Variants in SNX29 observed in about 807,000 individuals in gnomAD.
The protein encoded by SNX29 is sorting nexin-29.
A neutral mutation model predicts 102.1 loss-of-function variants in SNX29; 78 were observed. That is an observed-to-expected ratio of 0.76 (90% confidence interval 0.64 to 0.92). SNX29 has a LOEUF of 0.92. Ranked by LOEUF, SNX29 falls within the 40% of genes least tolerant of loss-of-function variation. The pLI, the probability that SNX29 is intolerant of heterozygous loss-of-function variation, is 0.00. For missense variants in SNX29, 1,280 were observed against 1,061.7 expected, an observed-to-expected ratio of 1.21 and a Z score of -2.86; for synonymous variants, 580 against 414.5, an observed-to-expected ratio of 1.40 and a Z score of -4.85.
chr16:12,365,757 A>G (rs529119995), intron 16 of SNX29, among the ~76,000 whole-genome samples: 1 of 146,494 alleles, frequency 6.8e-6, no homozygotes, highest in South Asian at 2.2e-4. Context: ...AAAGCAGAAC[A>G]GTGGGCCGGG....
Position 11,986,028 on chromosome 16 carries a change from C to T in SNX29, c.7+9215C>T, listed in dbSNP as rs141310024. Among the ~76,000 whole-genome samples the T allele has an allele frequency of 3.0e-3, 454 of 152,088 alleles. 1 individual carries two copies. Among genetic ancestry groups the T allele is most frequent in the African/African-American group, 0.011 (436 of 41,476 alleles). On this transcript the variant is annotated intron_variant, in intron 1 of 20. Coordinates refer to ENST00000566228, the MANE Select transcript of SNX29 (RefSeq NM_032167.5). ...CCATGTTGGCTAGACTGGTCTCGAA[C>T]TCCTGACCTCAGGTGATTCACTGAC... is the stretch of plus-strand genomic sequence containing the variant.
intron 20 of SNX29, among the ~76,000 whole-genome samples, chr16:12,545,847 C>T (rs867092369): frequency 6.6e-6 from 1 of 152,058 alleles, no homozygotes; most frequent in African/African-American, 2.4e-5. Context: ...GGGAGCAGAT[C>T]ACCTCTCCTT....
Position 12,552,556 on chromosome 16 carries a change from A to G in SNX29, c.2319-15950A>G, listed in dbSNP as rs572548787. 1.6e-4 allele frequency among the ~76,000 whole-genome samples: 25 copies of G among 152,312 alleles called. No individual in the cohort carries two copies. In the South Asian group the frequency reaches 5.0e-3, roughly 30 times the overall value. On this transcript the variant is annotated intron_variant, in intron 20 of 20. Transcript: ENST00000566228. ...TCAGTGATGTCCCCAGCACTGGCAC[A>G]CAGGCCAGCCAAGTTGCTGCCCTCA... is the stretch of plus-strand genomic sequence containing the variant.
chr16:12,115,501 G>GTGTA (rs1308486139), intron 11 of SNX29, among the ~76,000 whole-genome samples: 2 of 151,524 alleles, frequency 1.3e-5, no homozygotes, highest in Non-Finnish European at 2.9e-5. Flanking sequence ...GTGTGTGTGT[G>GTGTA]TGTGTGTGTG....
chr16:12,130,501 T>C (rs1055550786), intron 13 of SNX29, among the ~76,000 whole-genome samples: 21 of 131,996 alleles, frequency 1.6e-4, no homozygotes, highest in African/African-American at 6.2e-4. Context: ...AAAAAAAAGA[T>C]AGCGACTAAA....
intron 20 of SNX29, among the ~76,000 whole-genome samples, chr16:12,564,849 A>C (rs773856729): frequency 6.6e-6 from 1 of 151,536 alleles, no homozygotes; most frequent in Non-Finnish European, 1.5e-5. Flanking sequence ...GGCAGCTAAC[A>C]AGGGCTATGA....
intron 10 of SNX29, among the ~76,000 whole-genome samples, chr16:12,075,148 C>G (rs892701271): frequency 5.3e-5 from 8 of 152,214 alleles, no homozygotes; most frequent in African/African-American, 1.9e-4. Context: ...TCATCTGAAG[C>G]CTTCTTCTCT....
intron 15 of SNX29, among the ~76,000 whole-genome samples, chr16:12,319,075 C>T (rs930677374): frequency 3.3e-5 from 5 of 152,100 alleles, no homozygotes; most frequent in African/African-American, 1.2e-4. Context: ...TTTAATCCTT[C>T]GTTATCTTGT....
At chr16:12,123,872 A>G (rs1011518570) in intron 11 of SNX29, among the ~76,000 whole-genome samples, 6 of 152,214 alleles carry the variant, frequency 3.9e-5, no homozygotes, top group Non-Finnish European at 7.3e-5. Context: ...AGCAGACTTG[A>G]ACAGTACAGA....
intron 15 of SNX29, among the ~76,000 whole-genome samples, chr16:12,309,598 ATGTGGCACC>A (rs1465792569): frequency 6.6e-6 from 1 of 152,164 alleles, no homozygotes; most frequent in African/African-American, 2.4e-5. Flanking sequence ...CCAGAGCCCA[ATGTGGCACC>A]TGTCGTCACA....
In SNX29 at chr16:12,445,824, C is replaced by T. The variant is rs182791441; in HGVS notation, c.2038-31895C>T. On this transcript the variant is annotated intron_variant, in intron 18 of 20. Transcript: ENST00000566228. ...ATATTAACCAATTCAAGCCTCGGGA[C>T]AACGCTAGGAAGAAACTCCTGCTGC... Among the ~76,000 whole-genome samples, 91 of 152,216 alleles carry T rather than the reference C, an allele frequency of 6.0e-4. 2 individuals carry two copies. Among genetic ancestry groups the T allele is most frequent in the African/African-American group, 2.1e-3 (89 of 41,552 alleles).
chr16:12,528,364 T>G (rs1178460617), intron 20 of SNX29, among the ~76,000 whole-genome samples: 1 of 152,038 alleles, frequency 6.6e-6, no homozygotes, highest in African/African-American at 2.4e-5. Context: ...GCTCAGCTAA[T>G]TTTTGTATTT....
intron 15 of SNX29, among the ~76,000 whole-genome samples, chr16:12,322,445 C>G (rs1423025300): frequency 6.6e-6 from 1 of 152,162 alleles, no homozygotes; most frequent in African/African-American, 2.4e-5. Context: ...TGAGAAACTT[C>G]TCTGATCACA....
rs1319063723 is a variant in SNX29, at chr16:12,273,675, TC to T, written c.1679-4257del. Among the ~76,000 whole-genome samples, 7 of 152,146 alleles carry T rather than the reference TC, an allele frequency of 4.6e-5. No individual in the cohort carries two copies. The East Asian group carries it at 9.6e-4, about 21-fold the overall frequency. On this transcript the variant is annotated intron_variant, in intron 14 of 20. Transcript: ENST00000566228. Reference sequence around the variant, plus strand: ...GCCCGACCCTCAGTGGTTTTTATATTCACAAATTGTGCAACCATCGCCACTC... The same window carrying T: ...GCCCGACCCTCAGTGGTTTTTATATTACAAATTGTGCAACCATCGCCACTC...
At chr16:12,112,524 T>A (rs1041529435) in intron 11 of SNX29, among the ~76,000 whole-genome samples, 2 of 152,086 alleles carry the variant, frequency 1.3e-5, no homozygotes, top group Non-Finnish European at 2.9e-5. Context: ...GCAGAAGGCA[T>A]GGGTGGAATC....
chr16:12,058,678 G>A (rs918293908), intron 8 of SNX29, among the ~76,000 whole-genome samples: 8 of 151,290 alleles, frequency 5.3e-5, no homozygotes, highest in Non-Finnish European at 1.0e-4. Flanking sequence ...ATTTTTAGTA[G>A]AGACGGGGTT....
At chr16:12,301,142 T>G (rs999579582) in intron 15 of SNX29, among the ~76,000 whole-genome samples, 3 of 152,224 alleles carry the variant, frequency 2.0e-5, no homozygotes, top group African/African-American at 7.2e-5. Context: ...ATCTAGTCAC[T>G]CAATGAGTTA....
Position 12,060,804 on chromosome 16 carries a change from T to C in SNX29, c.1125-724T>C, listed in dbSNP as rs929595109. 6.6e-6 allele frequency: 3 copies of C among 456,336 alleles called. No homozygotes were observed. In the Admixed American group the frequency reaches 7.0e-5, roughly 11 times the overall value. The allele number at this position is 456,336 out of a possible 1,614,324, so 28.3% of individuals were successfully genotyped here. On this transcript the variant is annotated intron_variant, in intron 8 of 20. Transcript: ENST00000566228. ...AAACCCAACCACACTGCCTGGCGTT[T>C]CGAAGATGGCACGCATTAGAGATTT...
chr16:12,402,915 G>A (rs577269680), intron 17 of SNX29, among the ~76,000 whole-genome samples: 13 of 152,192 alleles, frequency 8.5e-5, no homozygotes, highest in Admixed American at 2.6e-4. Flanking sequence ...TGTCACCCTT[G>A]TTGCCATGAG....
Sources: allele counts gnomAD v4.1 joint callset (sites outside exome capture counted in the v4.1 genomes callset), GRCh38; gene constraint gnomAD v4.1.1; transcripts MANE v1.5; gene names NCBI Gene and HGNC (gene_info 2026-07-23, HGNC 2026-07-21).